Variants in RBFOX1 observed in about 807,000 individuals in gnomAD.
The protein encoded by RBFOX1 is RNA binding protein fox-1 homolog 1.
In RBFOX1, 8 loss-of-function variants were observed where a neutral mutation model predicts 57.7. The observed-to-expected ratio is 0.14, with a 90% CI of 0.08 to 0.25. RBFOX1 has a LOEUF of 0.25. Among genes scored for constraint, RBFOX1 ranks in the 10% least tolerant of loss-of-function variants. RBFOX1 has a pLI of 1.00. For missense variants in RBFOX1, 611 were observed against 548.5 expected (o/e 1.11, Z -1.14); for synonymous variants, 326 against 222.4 (o/e 1.47, Z -4.15).
chr16:7,379,943 C>T (rs549448430), intron 4 of RBFOX1, among the ~76,000 whole-genome samples: 1 of 152,182 alleles, frequency 6.6e-6, no homozygotes, highest in Non-Finnish European at 1.5e-5. Context: ...CAGCCTTGGC[C>T]TCCTGGGTTC....
chr16:7,044,498 T>C (rs2047233845), intron 3 of RBFOX1, among the ~76,000 whole-genome samples: 1 of 152,162 alleles, frequency 6.6e-6, no homozygotes, highest in Admixed American at 6.6e-5. Context: ...ATTAAACATC[T>C]CGTTCAACCG....
At chr16:6,695,338 C>T (rs1035737530) in intron 3 of RBFOX1, among the ~76,000 whole-genome samples, 1 of 144,406 alleles carries the variant, frequency 6.9e-6, no homozygotes, top group African/African-American at 2.6e-5. Flanking sequence ...ATCGCTTGAA[C>T]CCAACAGGTA....
At chr16:6,058,243 A>G (rs2095638497) in intron 1 of RBFOX1, among the ~76,000 whole-genome samples, 3 of 151,538 alleles carry the variant, frequency 2.0e-5, no homozygotes, top group African/African-American at 7.3e-5. Context: ...GTTTTCATTA[A>G]TCCCTGCCCC....
chr16:6,000,593 C>T (rs925230281), intron 4 of RBFOX1, among the ~76,000 whole-genome samples: 5 of 151,816 alleles, frequency 3.3e-5, no homozygotes, highest in African/African-American at 1.2e-4. Context: ...TAGAACAGTG[C>T]CAGGAAATAG....
rs200156613 is a variant in RBFOX1, at chr16:7,471,557, C to CA, written c.28-46582dup. 4.2e-3 allele frequency among the ~76,000 whole-genome samples: 633 copies of CA among 151,630 alleles called. 4 individuals carry two copies. The highest frequency in any genetic ancestry group is 6.8e-3 in the Non-Finnish European group (462 of 67,864). ...ACTTCTGAACATCAGTAGGACATTT[C>CA]AAAAAAAATGAGTCCTGCTATTCCC... is the stretch of plus-strand genomic sequence containing the variant. On this transcript the variant is annotated intron_variant, in intron 4 of 15. Coordinates refer to ENST00000550418, the MANE Select transcript of RBFOX1 (RefSeq NM_018723.4).
upstream of RBFOX1, among the ~76,000 whole-genome samples, chr16:6,015,006 C>A (rs144267424): frequency 6.6e-6 from 1 of 151,962 alleles, no homozygotes; most frequent in East Asian, 1.9e-4. Context: ...CAGGTGCACA[C>A]CACTACGCCT....
rs569067151 is a variant in RBFOX1, at chr16:7,252,469, C to T, written c.27+200371C>T. Among the ~76,000 whole-genome samples, 103 of 152,256 alleles carry T rather than the reference C, an allele frequency of 6.8e-4. 1 individual carries two copies. Among genetic ancestry groups the T allele is most frequent in the African/African-American group, 2.2e-3 (91 of 41,550 alleles). ...TTTGCTGTTTCATGTTGGAATTCAT[C>T]GTCAGCACTGAAGTATCTGGAAATT... On this transcript the variant is annotated intron_variant, in intron 4 of 15. Coordinates refer to ENST00000550418, the MANE Select transcript of RBFOX1 (RefSeq NM_018723.4).
chr16:5,989,843 A>AACACACACACACACACAC (rs199624083), intron 4 of RBFOX1, among the ~76,000 whole-genome samples: 8 of 20,718 alleles, frequency 3.9e-4, no homozygotes, highest in African/African-American at 1.8e-3. Context: ...AACACCCCCT[A>AACACACACACACACACAC]ACACACACAC....
intron 1 of RBFOX1, among the ~76,000 whole-genome samples, chr16:6,117,790 A>G (rs2096513035): frequency 6.6e-6 from 1 of 152,240 alleles, no homozygotes. Context: ...AAGATGAGTT[A>G]TCTTTAAAAT....
chr16:6,059,859 G>T (rs1341869023), intron 1 of RBFOX1, among the ~76,000 whole-genome samples: 1 of 152,116 alleles, frequency 6.6e-6, no homozygotes, highest in African/African-American at 2.4e-5. Flanking sequence ...AATAGAAAAT[G>T]TATCCTGAGA....
intron 3 of RBFOX1, among the ~76,000 whole-genome samples, chr16:6,673,079 A>G (rs2098777563): frequency 6.6e-6 from 1 of 152,224 alleles, no homozygotes; most frequent in Non-Finnish European, 1.5e-5. Flanking sequence ...CAGAGTTGGA[A>G]TAGAGATTGG....
At chr16:7,567,105 G>A (rs375340112) in intron 5 of RBFOX1, among the ~76,000 whole-genome samples, 5 of 108,224 alleles carry the variant, frequency 4.6e-5, no homozygotes, top group Non-Finnish European at 5.8e-5. Context: ...CCCTATATAT[G>A]TATATCCATA....
At chr16:6,864,514 T>C (rs2059571232) in intron 3 of RBFOX1, among the ~76,000 whole-genome samples, 1 of 150,998 alleles carries the variant, frequency 6.6e-6, no homozygotes, top group South Asian at 2.1e-4. Context: ...TAATTAAAAA[T>C]TTAGTTTTAA....
chr16:7,661,462 C>G (rs1365362557), intron 12 of RBFOX1, among the ~76,000 whole-genome samples: 11 of 152,188 alleles, frequency 7.2e-5, no homozygotes. Flanking sequence ...CACTTCACTC[C>G]TCTCTACCGA....
At chr16:6,693,317 C>G (rs1016927562) in intron 3 of RBFOX1, among the ~76,000 whole-genome samples, 1 of 151,562 alleles carries the variant, frequency 6.6e-6, no homozygotes, top group Non-Finnish European at 1.5e-5. Context: ...CTACCAACAC[C>G]ACCATCATCA....
chr16:6,351,056 G>T (rs1428172607), intron 2 of RBFOX1, among the ~76,000 whole-genome samples: 1 of 152,018 alleles, frequency 6.6e-6, no homozygotes, highest in East Asian at 1.9e-4. Context: ...TTCTCCTGTT[G>T]CCTTTCAACC....
chr16:6,507,335 A>T (rs1235922576), intron 2 of RBFOX1, among the ~76,000 whole-genome samples: 1 of 152,138 alleles, frequency 6.6e-6, no homozygotes, highest in Non-Finnish European at 1.5e-5. Context: ...GGGTATACAG[A>T]ATGTGGTTTG....
At chr16:7,597,482 T>A (rs772558840) in intron 9 of RBFOX1, 51 bp downstream of exon 9, 1 of 1,454,476 alleles carries the variant, frequency 6.9e-7, no homozygotes, top group East Asian at 2.3e-5. Flanking sequence ...TCTGACTCTT[T>A]AAGTAATTTA....
At chr16:7,384,209 CAT>C (rs748253210) in intron 4 of RBFOX1, among the ~76,000 whole-genome samples, 175 of 151,370 alleles carry the variant, frequency 1.2e-3, no homozygotes, top group African/African-American at 3.7e-3. Context: ...ATATATGAAA[CAT>C]ATATGAAATA....
Sources: allele counts gnomAD v4.1 joint callset (sites outside exome capture counted in the v4.1 genomes callset), GRCh38; gene constraint gnomAD v4.1.1; transcripts MANE v1.5; gene names NCBI Gene and HGNC (gene_info 2026-07-23, HGNC 2026-07-21).